The following SLC15A4 variants were observed in gnomAD, a reference collection of about 807,000 sequenced individuals.
SLC15A4 encodes the protein solute carrier family 15 member 4, also known as hPHT1.
A neutral mutation model predicts 46.1 loss-of-function variants in SLC15A4; 26 were observed. That is an observed-to-expected ratio of 0.56 (90% CI 0.41 to 0.78). The LOEUF is 0.78. Among genes scored for constraint, SLC15A4 ranks in the 30% least tolerant of loss-of-function variants. The probability of loss-of-function intolerance (pLI) is 0.00; values close to 1 mark genes in which losing one functional copy is unlikely to be tolerated. For synonymous variants in SLC15A4, 370 were observed against 333.4 expected, an observed-to-expected ratio of 1.11 and a Z score of -1.20; for missense variants, 751 against 755.7, an observed-to-expected ratio of 0.99 and a Z score of 0.07.
chr12:128,803,912 T>C (rs1449772822), intron 5 of SLC15A4, among the ~76,000 whole-genome samples: 1 of 152,170 alleles, frequency 6.6e-6, no homozygotes, highest in African/African-American at 2.4e-5. Flanking sequence ...GCCCACATGG[T>C]GTTTTAGAAA....
chr12:128,807,501 C>G (rs1203728627), intron 5 of SLC15A4, among the ~76,000 whole-genome samples: 1 of 152,180 alleles, frequency 6.6e-6, no homozygotes, highest in Non-Finnish European at 1.5e-5. Context: ...TGACGGGGCA[C>G]AGAGAAGGCA....
rs1384725726 is a variant in SLC15A4 at position 128,793,202 on chromosome 12, G to T, written c.*994C>A. ...CGCAAAGAACCGGCTCATGGATTTC[G>T]CATTTGAGATGCTTTTTATAATAAA... On this transcript the variant is annotated 3_prime_UTR_variant, in exon 8 of 8. Transcript: ENST00000266771. 6.6e-6 allele frequency: 1 copy of T among 152,170 alleles called. No homozygotes were observed. The highest frequency in any genetic ancestry group is 2.4e-5 in the African/African-American group (1 of 41,426). 9.4% of individuals were successfully genotyped at this position (152,170 alleles called of 1,614,324 possible).
intron 4 of SLC15A4, 69 bp from the exon 5 acceptor site, chr12:128,809,025 C>A (rs1017010241): frequency 7.0e-7 from 1 of 1,436,936 alleles, no homozygotes; most frequent in East Asian, 2.3e-5. Context: ...AGAGAACCAA[C>A]GTCTCAATGG....
Position 128,823,640 on chromosome 12 carries a change from G to T in SLC15A4, c.304C>A (p.Arg102=). ...GGWLADARLG[R]ARAILLSLAL... ...AGGCTCAGCAGGATGGCGCGCGCCC[G>T]GCCCAGCCGCGCGTCGGCCAGCCAG... The change falls in exon 1 of 8, where the codon CGG becomes AGG. Residue 102 remains arginine (R), a synonymous_variant. Transcript: ENST00000266771. 6.7e-7 allele frequency: 1 copy of T among 1,483,926 alleles called. No homozygotes were observed. Among genetic ancestry groups the T allele is most frequent in the Non-Finnish European group, 8.9e-7 (1 of 1,121,888 alleles). 91.9% of individuals were successfully genotyped at this position (1,483,926 alleles called of 1,614,324 possible).
At chr12:128,808,995 A>G in intron 4 of SLC15A4, 39 bp from the exon 5 acceptor site, 1 of 1,585,146 alleles carries the variant, frequency 6.3e-7, no homozygotes, top group South Asian at 1.2e-5. Flanking sequence ...ACTCCCCGCA[A>G]TACAGGCCAT....
In SLC15A4 at chr12:128,794,018, C is replaced by T. The variant is rs1593000614; in HGVS notation, c.*178G>A. On this transcript the variant is annotated 3_prime_UTR_variant, in exon 8 of 8. Transcript: ENST00000266771. ...GCCCAGCGTGCCAGGAGACACGCTGCAGTAAGGCACTTACCAAGCTCCTTT... is the reference window on the plus strand; with the variant it reads ...GCCCAGCGTGCCAGGAGACACGCTGTAGTAAGGCACTTACCAAGCTCCTTT... The T allele has an allele frequency of 1.5e-5, 8 of 528,380 alleles. No individual in the cohort carries two copies. The East Asian group carries it at 1.6e-4, about 10-fold the overall frequency. 32.7% of individuals were successfully genotyped at this position (528,380 alleles called of 1,614,324 possible). A position where few individuals can be genotyped will look rare whatever the true frequency, so the allele number is the denominator to read the frequency against.
Position 128,815,049 on chromosome 12 carries a change from C to T in SLC15A4, c.568G>A (p.Ala190Thr). The change falls in exon 2 of 8, where the codon GCC (alanine) becomes ACC (threonine). Residue 190 changes from alanine (A) to threonine (T), a missense_variant. Coordinates refer to ENST00000266771, the MANE Select transcript of SLC15A4 (RefSeq NM_145648.4). ...ADQVKDRGPE[A>T]TRRFFNWFYW... ...AACCAATTAAAAAATCTCCTAGTGG[C>T]TTCCGGACCTCGATCTTTAACCTAA... is the stretch of plus-strand genomic sequence containing the variant. The T allele has an allele frequency of 1.2e-6, 2 of 1,608,858 alleles. No individual in the cohort carries two copies. The highest frequency in any genetic ancestry group is 1.7e-6 in the Non-Finnish European group (2 of 1,175,500).
intron 5 of SLC15A4, 85 bp downstream of exon 5, chr12:128,808,703 G>C (rs1422125918): frequency 1.4e-6 from 2 of 1,399,824 alleles, no homozygotes; most frequent in Non-Finnish European, 2.0e-6. Flanking sequence ...AACAACCTGG[G>C]GCACGACTGC....
At chr12:128,812,094 A>G (rs1296477465) in intron 2 of SLC15A4, among the ~76,000 whole-genome samples, 3 of 152,212 alleles carry the variant, frequency 2.0e-5, no homozygotes, top group Admixed American at 6.5e-5. Context: ...GGATTCCCAA[A>G]GAAGTATGTA....
At chr12:128,797,029 C>T (rs1197841646) in intron 7 of SLC15A4, among the ~76,000 whole-genome samples, 3 of 152,146 alleles carry the variant, frequency 2.0e-5, no homozygotes, top group East Asian at 1.9e-4. Flanking sequence ...GAAAACCTGC[C>T]GTGCATTCCT....
chr12:128,810,821 T>C (rs1955647853), intron 2 of SLC15A4, among the ~76,000 whole-genome samples: 1 of 152,090 alleles, frequency 6.6e-6, no homozygotes, highest in Admixed American at 6.5e-5. Context: ...TTAAAACTCT[T>C]CAGGGCCCTA....
intron 1 of SLC15A4, among the ~76,000 whole-genome samples, chr12:128,821,739 A>G (rs539863773): frequency 6.6e-6 from 1 of 152,206 alleles, no homozygotes; most frequent in South Asian, 2.1e-4. Context: ...TACAAAAGTT[A>G]GCTGGGCACA....
At chr12:128,800,553 C>T (rs1482673960) in intron 6 of SLC15A4, among the ~76,000 whole-genome samples, 1 of 152,196 alleles carries the variant, frequency 6.6e-6, no homozygotes, top group Non-Finnish European at 1.5e-5. Flanking sequence ...GCAGCATGGC[C>T]GAGGGCTCCG....
At chr12:128,805,873 C>T (rs11059922) in intron 5 of SLC15A4, among the ~76,000 whole-genome samples, 90,532 of 151,858 alleles carry the variant, frequency 0.6, 27,283 homozygotes, top group Non-Finnish European at 0.65. Context: ...TGATCTATTA[C>T]GTAACAACAC....
rs556344001 is a variant in SLC15A4 at position 128,821,755 on chromosome 12, G to A, written c.546+1643C>T. 1.4e-4 allele frequency among the ~76,000 whole-genome samples: 21 copies of A among 152,018 alleles called. No individual in the cohort carries two copies. In the East Asian group the frequency reaches 3.1e-3, roughly 22 times the overall value. ...ACAAAAGTTAGCTGGGCACAGTGGC[G>A]TGCACGTGTAGTCTCAACTACTCAG... On this transcript the variant is annotated intron_variant, in intron 1 of 7. Transcript: ENST00000266771.
At chr12:128,805,885 A>C (rs564794988) in intron 5 of SLC15A4, among the ~76,000 whole-genome samples, 193 of 152,244 alleles carry the variant, frequency 1.3e-3, no homozygotes, top group South Asian at 5.0e-3. Flanking sequence ...TAACAACACA[A>C]AAAAAGAAAA....
chr12:128,812,140 T>C (rs1955665576), intron 2 of SLC15A4, among the ~76,000 whole-genome samples: 1 of 152,208 alleles, frequency 6.6e-6, no homozygotes, highest in African/African-American at 2.4e-5. Flanking sequence ...TACTCTGGTC[T>C]GATGAGTTGA....
In SLC15A4 at chr12:128,809,010, T is replaced by C. The variant is rs375086825; in HGVS notation, c.1090-54A>G. ...ACTCCCCGCAATACAGGCCATCACCTGTCTAGAGAACCAACGTCTCAATGG... is the reference window on the plus strand; with the variant it reads ...ACTCCCCGCAATACAGGCCATCACCCGTCTAGAGAACCAACGTCTCAATGG... On this transcript the variant is annotated intron_variant, in intron 4 of 7. Transcript: ENST00000266771. 41 of 1,544,730 alleles carry C rather than the reference T, an allele frequency of 2.7e-5. 1 individual carries two copies. In the African/African-American group the frequency reaches 3.8e-4, roughly 14 times the overall value.
chr12:128,815,311 A>AGATTTTTTCCAAGTATGTGGAAAAACTT, intron 1 of SLC15A4: 1 of 418,482 alleles, frequency 2.4e-6, no homozygotes. Context: ...CAAATGCTAG[A>AGATTTTTTCCAAGTATGTGGAAAAACTT]GAGTTTTTCC....
Sources: gnomAD v4.1 joint callset for allele counts (sites outside exome capture counted in the v4.1 genomes callset) on GRCh38, gnomAD v4.1.1 for gene constraint, MANE v1.5 for transcripts, NCBI Gene and HGNC (gene_info 2026-07-23, HGNC 2026-07-21) for gene names.